Variants in THAP4 observed in about 807,000 individuals in gnomAD.
THAP4 encodes the protein THAP domain containing 4.
THAP4 carries 18 observed loss-of-function variants against 48.1 expected under a neutral mutation model. The observed-to-expected ratio is 0.37, with a 90% confidence interval of 0.26 to 0.56. The LOEUF (loss-of-function observed/expected upper bound fraction) is 0.56, where lower values mean the gene tolerates loss of function less well. THAP4 is among the 20% of genes least tolerant of loss of function. The pLI is 0.78. For synonymous variants in THAP4, 345 were observed against 324.9 expected, an observed-to-expected ratio of 1.06 and a Z score of -0.66; for missense variants, 656 against 774.9, an observed-to-expected ratio of 0.85 and a Z score of 1.82.
chr2:241,602,109 A>G, intron 4 of THAP4, 110 bp from the exon 5 acceptor site: 2 of 982,096 alleles, frequency 2.0e-6, no homozygotes, highest in South Asian at 1.6e-5. Context: ...CCAACTCTGC[A>G]GCTGTGGAAG....
In THAP4 at chr2:241,621,940, G is replaced by A. The variant is rs568712635; in HGVS notation, c.1240+10977C>T. Among the ~76,000 whole-genome samples the A allele has an allele frequency of 3.3e-4, 50 of 149,870 alleles. 1 individual carries two copies. Among genetic ancestry groups the A allele is most frequent in the Middle Eastern group, 3.4e-3 (1 of 294 alleles). ...AGCAGACTTGTCAGAAACCACGCAA[G>A]CAAAAAAAAAAACCAAACCAAACCA... On this transcript the variant is annotated intron_variant, in intron 2 of 5. Coordinates refer to ENST00000407315, the MANE Select transcript of THAP4 (RefSeq NM_015963.6).
chr2:241,632,296 C>T (rs560289005), intron 2 of THAP4, among the ~76,000 whole-genome samples: 3 of 152,166 alleles, frequency 2.0e-5, no homozygotes, highest in South Asian at 4.1e-4. Flanking sequence ...TTGTATGTTT[C>T]ACCATATTGG....
At chr2:241,611,798 C>T (rs1330718938) in intron 2 of THAP4, among the ~76,000 whole-genome samples, 2 of 151,526 alleles carry the variant, frequency 1.3e-5, no homozygotes, top group African/African-American at 4.8e-5. Flanking sequence ...CAGCAATGGA[C>T]TAATGGACTC....
rs534908589 is a variant in THAP4 at position 241,603,259 on chromosome 2, T to C, written c.1401-180A>G. Among the ~76,000 whole-genome samples the C allele has an allele frequency of 1.3e-3, 194 of 151,914 alleles. 8 individuals are homozygous for C. In the South Asian group the frequency reaches 0.039, roughly 30 times the overall value. The stretch of plus-strand genomic sequence containing the variant: ...CTGTGTCTGTCTTACCTGCTGACCC[T>C]CCACTCCTGAAGACGGGCTGTTCCA... On this transcript the variant is annotated intron_variant, in intron 3 of 5. Coordinates refer to ENST00000407315, the MANE Select transcript of THAP4 (RefSeq NM_015963.6).
chr2:241,584,910 G>T, intron 5 of THAP4, 185 bp from the exon 6 acceptor site: 1 of 679,386 alleles, frequency 1.5e-6, no homozygotes, highest in Non-Finnish European at 2.5e-6. Context: ...CCCTTCAGCT[G>T]CCTCCAGAAG....
Position 241,633,650 on chromosome 2 carries a change from T to C in THAP4, c.507A>G (p.Gln169=), listed in dbSNP as rs763282526. 6.2e-7 allele frequency: 1 copy of C among 1,612,594 alleles called. No individual in the cohort carries two copies. Among genetic ancestry groups the C allele is most frequent in the East Asian group, 2.2e-5 (1 of 44,874 alleles). The change falls in exon 2 of 6, where the codon CAA becomes CAG. Residue 169 remains glutamine, a synonymous_variant. Transcript: ENST00000407315. This position sits in a 1 kb window ranked among gnomAD's most constrained non-coding sequence, Gnocchi z 7.5. ...QEAASQEQAQ[Q]ALERTPGDGL... is the part of the protein sequence containing the mutation. ...CATCTCCTGGAGTCCGTTCCAGAGC[T>C]TGCTGGGCCTGCTCCTGGCTGGCGG...
chr2:241,633,699 G>C lies in THAP4; in HGVS notation c.458C>G (p.Ala153Gly), dbSNP rs754689485. ...GGCCTCCTGGGCCGCCCTGGGTGTG[G>C]CTTCACCTTGCAGAGCAGCTTGCTT... ...RLKQAALQGE[A>G]TPRAAQEAAS... The change falls in exon 2 of 6, where the codon GCC becomes GGC. Residue 153 changes from alanine to glycine, a missense_variant. Ala to Gly is a moderately conservative substitution (Grantham distance 60). Coordinates refer to ENST00000407315, the MANE Select transcript of THAP4 (RefSeq NM_015963.6). The surrounding 1 kb of genome is among the most constrained non-coding windows in gnomAD (Gnocchi z 7.5). 1.9e-6 allele frequency: 3 copies of C among 1,611,676 alleles called. No individual in the cohort carries two copies. Among genetic ancestry groups the C allele is most frequent in the Non-Finnish European group, 2.5e-6 (3 of 1,179,672 alleles).
At chr2:241,625,819 A>AAAAAAAAAAAAAAAAAAAG (rs1559233376) in intron 2 of THAP4, among the ~76,000 whole-genome samples, 1 of 140,692 alleles carries the variant, frequency 7.1e-6, no homozygotes, top group African/African-American at 2.8e-5. Context: ...AAAAAAAAAA[A>AAAAAAAAAAAAAAAAAAAG]AAAAAGAAAA....
intron 2 of THAP4, among the ~76,000 whole-genome samples, chr2:241,609,508 G>A (rs1409077532): frequency 6.6e-6 from 1 of 152,164 alleles, no homozygotes; most frequent in Non-Finnish European, 1.5e-5. Flanking sequence ...TTTGGGCCGG[G>A]CGCAATGGCT....
chr2:241,627,043 T>C (rs2067502606), intron 2 of THAP4, among the ~76,000 whole-genome samples: 1 of 152,230 alleles, frequency 6.6e-6, no homozygotes, highest in Admixed American at 6.5e-5. Flanking sequence ...TATTAACAGA[T>C]TGTTTTTAGG....
chr2:241,605,909 TCA>T (rs941338976), intron 3 of THAP4, among the ~76,000 whole-genome samples: 1 of 152,116 alleles, frequency 6.6e-6, no homozygotes, highest in African/African-American at 2.4e-5. Context: ...AGACAAGGTC[TCA>T]CTATGTTGCC....
intron 2 of THAP4, among the ~76,000 whole-genome samples, chr2:241,614,374 A>G (rs981143576): frequency 7.2e-5 from 11 of 152,210 alleles, no homozygotes; most frequent in African/African-American, 2.7e-4. Flanking sequence ...GGCAGAATGC[A>G]CAATGAAGAC....
At chr2:241,585,576 T>G (rs1057097981) in intron 5 of THAP4, among the ~76,000 whole-genome samples, 22 of 151,930 alleles carry the variant, frequency 1.4e-4, no homozygotes, top group African/African-American at 5.3e-4. Flanking sequence ...GAAGGAAGTG[T>G]GGAGGTGAGA....
chr2:241,619,755 T>TCAG (rs2067390676), intron 2 of THAP4, among the ~76,000 whole-genome samples: 1 of 86,924 alleles, frequency 1.2e-5, no homozygotes, highest in Non-Finnish European at 2.3e-5. Flanking sequence ...GGTGAGTGAG[T>TCAG]TGGTGAGTGA....
intron 5 of THAP4, among the ~76,000 whole-genome samples, chr2:241,599,324 A>C (rs2067085647): frequency 6.6e-6 from 1 of 152,126 alleles, no homozygotes; most frequent in South Asian, 2.1e-4. Context: ...GTGGTGACAC[A>C]CAGAACTATT....
chr2:241,616,180 T>C lies in THAP4; in HGVS notation c.1241-9707A>G, dbSNP rs2067343648. 6.6e-6 allele frequency among the ~76,000 whole-genome samples: 1 copy of C among 152,170 alleles called. No individual in the cohort carries two copies. Among genetic ancestry groups the C allele is most frequent in the Admixed American group, 6.5e-5 (1 of 15,280 alleles). ...TGGGCCTGGATGGGCCAGAACCTTT[T>C]ACGTAGGAGGGACGTGGCCCGGGCT... On this transcript the variant is annotated intron_variant, in intron 2 of 5. Coordinates refer to ENST00000407315, the MANE Select transcript of THAP4 (RefSeq NM_015963.6). This position sits in a 1 kb window ranked among gnomAD's most constrained non-coding sequence, Gnocchi z 4.6.
rs1376357293 is a variant in THAP4, at chr2:241,594,605, A to C, written c.1614+7291T>G. 4 of 358,540 alleles carry C rather than the reference A, an allele frequency of 1.1e-5. No homozygotes were observed. The East Asian group carries it at 3.5e-4, about 31-fold the overall frequency. The allele number at this position is 358,540 out of a possible 1,614,324, so 22.2% of individuals were successfully genotyped here. On this transcript the variant is annotated intron_variant, in intron 5 of 5. Coordinates refer to ENST00000407315, the MANE Select transcript of THAP4 (RefSeq NM_015963.6). Reference sequence around the variant, plus strand: ...AACAAAACAAAACAACAACAACAACAACAAAAACCGGGCATGCTGGTGCAT... The same window carrying C: ...AACAAAACAAAACAACAACAACAACCACAAAAACCGGGCATGCTGGTGCAT...
At chr2:241,611,592 C>T (rs1204518963) in intron 2 of THAP4, among the ~76,000 whole-genome samples, 2 of 151,896 alleles carry the variant, frequency 1.3e-5, no homozygotes, top group South Asian at 2.1e-4. Flanking sequence ...GGCGTGGTGG[C>T]GGGTGCCTGT....
chr2:241,610,310 G>C lies in THAP4; in HGVS notation c.1241-3837C>G, dbSNP rs1163006127. Among the ~76,000 whole-genome samples the C allele has an allele frequency of 2.0e-5, 3 of 152,156 alleles. No homozygotes were observed. Among genetic ancestry groups the C allele is most frequent in the Non-Finnish European group, 2.9e-5 (2 of 68,016 alleles). ...GAAGCGCAGCCCCGCCTCAGGCGCC[G>C]CATCTCCGCCCTCTCTTGCGCCTGC... On this transcript the variant is annotated intron_variant, in intron 2 of 5. Transcript: ENST00000407315. This position sits in a 1 kb window ranked among gnomAD's most constrained non-coding sequence, Gnocchi z 4.2.
Sources: allele counts gnomAD v4.1 joint callset (sites outside exome capture counted in the v4.1 genomes callset), GRCh38; gene constraint gnomAD v4.1.1; non-coding constraint Gnocchi (gnomAD v3.1); transcripts MANE v1.5; gene names NCBI Gene and HGNC (gene_info 2026-07-23, HGNC 2026-07-21).